CRPPA: variants seen among roughly 807,000 people sequenced by gnomAD.
The protein encoded by CRPPA is CDP-L-ribitol pyrophosphorylase A, also known as D-ribitol-5-phosphate cytidylyltransferase.
In CRPPA, 43 loss-of-function variants were observed where a neutral mutation model predicts 52.0. The ratio of observed to expected loss-of-function variants is 0.83; its 90% CI spans 0.65 to 1.07. The LOEUF is 1.07. CRPPA is among the 50% of genes least tolerant of loss of function. The pLI is 0.00. For synonymous variants in CRPPA, 250 were observed against 203.5 expected (o/e 1.23, Z -1.94); for missense variants, 629 against 551.7 (o/e 1.14, Z -1.40).
Position 16,278,146 on chromosome 7 carries a change from G to A in CRPPA, c.916C>T (p.Leu306=), listed in dbSNP as rs2128417717. ...ATACTTACATTTAATTCACTTTTCA[G>A]CACTTCTTCAAGAAGATGACCTACA... ...KHVGHLLEEV[L]KSELNHVKVT... is the part of the protein sequence containing the mutation. Residue 306 remains leucine (L), a synonymous_variant, in exon 6 of 10, where the codon CTG becomes TTG. Coordinates refer to ENST00000407010, the MANE Select transcript of CRPPA (RefSeq NM_001101426.4). 1 of 1,549,078 alleles carries A rather than the reference G, an allele frequency of 6.5e-7. No individual in the cohort carries two copies. The highest frequency in any genetic ancestry group is 2.0e-4 in the Middle Eastern group (1 of 5,002).
intron 9 of CRPPA, among the ~76,000 whole-genome samples, chr7:16,159,357 T>C (rs1341326669): frequency 2.6e-5 from 4 of 152,090 alleles, no homozygotes; most frequent in South Asian, 4.1e-4. Context: ...GTTTGTTATA[T>C]TTGAAAGTAT....
intron 3 of CRPPA, among the ~76,000 whole-genome samples, chr7:16,354,396 A>G (rs1786243119): frequency 6.6e-6 from 1 of 152,190 alleles, no homozygotes. Context: ...CTCCACAATC[A>G]GAATCAGGTA....
intron 9 of CRPPA, among the ~76,000 whole-genome samples, chr7:16,164,427 T>G (rs1339563086): frequency 1.3e-5 from 2 of 152,150 alleles, no homozygotes; most frequent in Admixed American, 1.3e-4. Flanking sequence ...TTTTCAAGGT[T>G]CTAAGCTTCC....
intron 9 of CRPPA, among the ~76,000 whole-genome samples, chr7:16,144,778 G>A (rs538491799): frequency 7.2e-5 from 11 of 152,302 alleles, no homozygotes; most frequent in African/African-American, 2.6e-4. Context: ...CTCAGCAGCT[G>A]CACTCTCTCA....
intron 9 of CRPPA, among the ~76,000 whole-genome samples, chr7:16,167,955 G>T (rs1398757750): frequency 6.6e-6 from 1 of 152,136 alleles, no homozygotes; most frequent in Non-Finnish European, 1.5e-5. Flanking sequence ...CCTGCGCTCT[G>T]TGTAAATACG....
At chr7:16,342,786 T>TAG (rs1785896125) in intron 3 of CRPPA, among the ~76,000 whole-genome samples, 1 of 19,094 alleles carries the variant, frequency 5.2e-5, no homozygotes. Flanking sequence ...AAAAAAAATA[T>TAG]ATATATATAT....
At chr7:16,335,958 A>C (rs1785669336) in intron 3 of CRPPA, among the ~76,000 whole-genome samples, 1 of 152,236 alleles carries the variant, frequency 6.6e-6, no homozygotes, top group East Asian at 1.9e-4. Flanking sequence ...AGAGTAGGAT[A>C]ATATATTCAA....
intron 9 of CRPPA, among the ~76,000 whole-genome samples, chr7:16,172,893 T>C (rs1183941422): frequency 6.6e-6 from 1 of 152,152 alleles, no homozygotes; most frequent in East Asian, 1.9e-4. Flanking sequence ...ACTAAAACTG[T>C]CTTCTTACAT....
chr7:16,142,879 A>G (rs2128376337), intron 9 of CRPPA, among the ~76,000 whole-genome samples: 1 of 152,334 alleles, frequency 6.6e-6, no homozygotes, highest in Non-Finnish European at 1.5e-5. Flanking sequence ...GTCCAAATAA[A>G]GTTTGTAATA....
Position 16,161,505 on chromosome 7 carries a change from G to A in CRPPA, c.1251+54561C>T, listed in dbSNP as rs1202276278. Among the ~76,000 whole-genome samples, 3 of 152,304 alleles carry A rather than the reference G, an allele frequency of 2.0e-5. No individual in the cohort carries two copies. The East Asian group carries it at 5.8e-4, about 29-fold the overall frequency. ...TTACATTTATTGGTTTGCATATATT[G>A]AATCAGCTTTGTATCCCAGGGATGA... On this transcript the variant is annotated intron_variant, in intron 9 of 9. Transcript: ENST00000407010.
intron 2 of CRPPA, among the ~76,000 whole-genome samples, chr7:16,387,158 T>G (rs1787310418): frequency 6.7e-6 from 1 of 148,594 alleles, no homozygotes; most frequent in Non-Finnish European, 1.5e-5. Context: ...TAGCAAAATA[T>G]AAACTAATAA....
intron 3 of CRPPA, among the ~76,000 whole-genome samples, chr7:16,363,606 A>T (rs1786513950): frequency 6.6e-6 from 1 of 152,220 alleles, no homozygotes; most frequent in Non-Finnish European, 1.5e-5. Context: ...ATTAAATTTG[A>T]TAAAGTCTTT....
chr7:16,407,226 C>G (rs1443777834), intron 1 of CRPPA, among the ~76,000 whole-genome samples: 1 of 152,176 alleles, frequency 6.6e-6, no homozygotes, highest in Admixed American at 6.5e-5. Flanking sequence ...GACCCACCCA[C>G]CTCAGCCTCC....
intron 2 of CRPPA, among the ~76,000 whole-genome samples, chr7:16,398,447 A>C (rs1348547409): frequency 6.6e-6 from 1 of 152,126 alleles, no homozygotes; most frequent in Non-Finnish European, 1.5e-5. Flanking sequence ...GAGGTTTGTG[A>C]CACGTGACTC....
intron 5 of CRPPA, among the ~76,000 whole-genome samples, chr7:16,279,651 T>C (rs553532160): frequency 6.6e-6 from 1 of 152,196 alleles, no homozygotes; most frequent in Non-Finnish European, 1.5e-5. Flanking sequence ...GATAACTCTA[T>C]AATACAATGA....
In CRPPA at chr7:16,112,864, T is replaced by C. The variant is rs145678291; in HGVS notation, c.1252-21065A>G. 4.5e-3 allele frequency among the ~76,000 whole-genome samples: 684 copies of C among 152,086 alleles called. 6 individuals carry two copies. Among genetic ancestry groups the C allele is most frequent in the African/African-American group, 0.015 (628 of 41,494 alleles). On this transcript the variant is annotated intron_variant, in intron 9 of 9. Coordinates refer to ENST00000407010, the MANE Select transcript of CRPPA (RefSeq NM_001101426.4). Reference sequence around the variant, plus strand: ...AGACTCTAAGCTATATATAAAGATATGAATATATAGACTTTTTTTTCCCCT... The same window carrying C: ...AGACTCTAAGCTATATATAAAGATACGAATATATAGACTTTTTTTTCCCCT...
intron 3 of CRPPA, among the ~76,000 whole-genome samples, chr7:16,373,892 A>G (rs904780346): frequency 6.6e-6 from 1 of 152,204 alleles, no homozygotes; most frequent in Non-Finnish European, 1.5e-5. Context: ...AGGAAGAGTT[A>G]TCTATAACCT....
chr7:16,097,749 G>A (rs1207245547), intron 9 of CRPPA, among the ~76,000 whole-genome samples: 1 of 152,100 alleles, frequency 6.6e-6, no homozygotes, highest in Non-Finnish European at 1.5e-5. Context: ...AGGAAAAGCA[G>A]GAGATTTTCA....
Position 16,375,233 on chromosome 7 carries a change from T to C in CRPPA, c.684+859A>G, listed in dbSNP as rs372708440. Among the ~76,000 whole-genome samples, 16 of 152,314 alleles carry C rather than the reference T, an allele frequency of 1.1e-4. No individual in the cohort carries two copies. In the South Asian group the frequency reaches 2.9e-3, roughly 28 times the overall value. Reference sequence around the variant, plus strand: ...CTGGGATACTACCCTCTAATCCTTATGGCCACTCTTCTATCCCCTTACCTA... The same window carrying C: ...CTGGGATACTACCCTCTAATCCTTACGGCCACTCTTCTATCCCCTTACCTA... On this transcript the variant is annotated intron_variant, in intron 3 of 9. Transcript: ENST00000407010.
Sources: gnomAD v4.1 joint callset for allele counts (sites outside exome capture counted in the v4.1 genomes callset) on GRCh38, gnomAD v4.1.1 for gene constraint, MANE v1.5 for transcripts, NCBI Gene and HGNC (gene_info 2026-07-23, HGNC 2026-07-21) for gene names.